Variants in TBC1D4 observed in about 807,000 individuals in gnomAD.
TBC1D4 encodes TBC1 domain family member 4, also known as TBC (Tre-2, BUB2, CDC16) domain-containing protein.
A neutral mutation model predicts 142.5 loss-of-function variants in TBC1D4; 121 were observed. That is an observed-to-expected ratio of 0.85 (90% CI 0.73 to 0.99). The LOEUF (loss-of-function observed/expected upper bound fraction) is 0.99. TBC1D4 is among the 50% of genes least tolerant of loss of function. The probability of loss-of-function intolerance (pLI) is 0.00; values close to 1 mark genes in which losing one functional copy is unlikely to be tolerated. For missense variants in TBC1D4, 1,475 were observed against 1,606.6 expected, an observed-to-expected ratio of 0.92 and a Z score of 1.40; for synonymous variants, 630 against 628.2, an observed-to-expected ratio of 1.00 and a Z score of -0.04.
intron 1 of TBC1D4, among the ~76,000 whole-genome samples, chr13:75,393,289 C>T (rs946086133): frequency 1.3e-5 from 2 of 152,018 alleles, no homozygotes; most frequent in South Asian, 4.2e-4. Context: ...ACATTTCACC[C>T]CCATTCTCCC....
rs1279045306 is a variant in TBC1D4 at position 75,356,176 on chromosome 13, A to T, written c.1246T>A (p.Tyr416Asn). The change falls in exon 4 of 21, where the codon TAT (tyrosine) becomes AAT (asparagine). Residue 416 changes from tyrosine (Y) to asparagine (N), a missense_variant. Around this residue, in one of 2 missense-constraint regions of TBC1D4, gnomAD observed 1,227 missense variants for 1,267.7 expected, o/e 0.97. Coordinates refer to ENST00000377636, the MANE Select transcript of TBC1D4 (RefSeq NM_014832.5). ...GATTCGCTGGCACACTGGAATACAT[A>T]ACAAATATACTGGCTAAGTCCAGGC... ...PEPGLSQYIC[Y>N]VFQCASESLV... The T allele has an allele frequency of 3.1e-6, 5 of 1,613,772 alleles. No homozygotes were observed. Among genetic ancestry groups the T allele is most frequent in the Non-Finnish European group, 4.2e-6 (5 of 1,179,780 alleles).
intron 1 of TBC1D4, among the ~76,000 whole-genome samples, chr13:75,364,125 T>C (rs1882758027): frequency 6.6e-6 from 1 of 152,132 alleles, no homozygotes; most frequent in South Asian, 2.1e-4. Context: ...TTCCAGATCG[T>C]AGGTGGATTC....
chr13:75,458,670 T>G (rs1213951487), intron 1 of TBC1D4, among the ~76,000 whole-genome samples: 1 of 152,224 alleles, frequency 6.6e-6, no homozygotes, highest in Non-Finnish European at 1.5e-5. Context: ...GTAGAAAACC[T>G]TTTAACTATA....
intron 11 of TBC1D4, 143 bp from the exon 12 acceptor site, chr13:75,320,180 C>CT (rs980710894): frequency 9.0e-4 from 712 of 790,194 alleles, no homozygotes; most frequent in Non-Finnish European, 9.7e-4. Context: ...ATAATTATAC[C>CT]TTTTTTTTTC....
Position 75,481,255 on chromosome 13 carries a change from G to A in TBC1D4, c.498+15C>T, listed in dbSNP as rs2138367345. The A allele has an allele frequency of 7.0e-7, 1 of 1,429,822 alleles. No individual in the cohort carries two copies. Among genetic ancestry groups the A allele is most frequent in the South Asian group, 1.1e-5 (1 of 87,760 alleles). 88.6% of individuals were successfully genotyped at this position (1,429,822 alleles called of 1,614,324 possible). A position where few individuals can be genotyped will look rare whatever the true frequency, so the allele number is the denominator to read the frequency against. On this transcript the variant is annotated intron_variant, in intron 1 of 20. Coordinates refer to ENST00000377636, the MANE Select transcript of TBC1D4 (RefSeq NM_014832.5). ...AGGCCGAGCCCGCCCCCGCGCCTCC[G>A]AGCCCCTGTCTTGCCTGGCTGGGGT... is the stretch of plus-strand genomic sequence containing the variant.
intron 1 of TBC1D4, among the ~76,000 whole-genome samples, chr13:75,387,455 C>T (rs1485836799): frequency 6.6e-6 from 1 of 152,188 alleles, no homozygotes; most frequent in African/African-American, 2.4e-5. Flanking sequence ...CTTTACCTTG[C>T]ACTTCAAAAG....
rs184905095 is a variant in TBC1D4, at chr13:75,295,395, T to G, written c.3157-382A>C. Among the ~76,000 whole-genome samples, 133 of 152,274 alleles carry G rather than the reference T, an allele frequency of 8.7e-4. 1 individual carries two copies. Among genetic ancestry groups the G allele is most frequent in the African/African-American group, 3.1e-3 (129 of 41,570 alleles). On this transcript the variant is annotated intron_variant, in intron 17 of 20. Coordinates refer to ENST00000377636, the MANE Select transcript of TBC1D4 (RefSeq NM_014832.5). ...AGACTAATTCCAGAAAAGCCTCCAT[T>G]CTAAAGAATCTACCATGTTCAGTGC... is the stretch of plus-strand genomic sequence containing the variant.
chr13:75,383,313 A>G (rs555976131), intron 1 of TBC1D4, among the ~76,000 whole-genome samples: 1 of 152,298 alleles, frequency 6.6e-6, no homozygotes, highest in Admixed American at 6.5e-5. Flanking sequence ...ACAGAGTGAG[A>G]CCTTGTCTCC....
intron 1 of TBC1D4, among the ~76,000 whole-genome samples, chr13:75,422,395 T>C (rs1380048388): frequency 1.3e-5 from 2 of 152,194 alleles, no homozygotes; most frequent in African/African-American, 2.4e-5. Flanking sequence ...TACAAGTTCA[T>C]TTATCTCCAT....
rs1178136813 is a variant in TBC1D4, at chr13:75,349,216, CTCACACAGT to C, written c.1353_1361del (p.Leu452_Glu454del). The stretch of plus-strand genomic sequence containing the variant: ...TATGCAAAGAGTGCATCGGGCAGGC[CTCACACAGT>C]TTAATCTGCGTCTTGGCACTCTGCA... On this transcript the variant is annotated inframe_deletion, in exon 5 of 21. Transcript: ENST00000377636. 1.2e-5 allele frequency: 20 copies of C among 1,613,912 alleles called. No individual in the cohort carries two copies. The Admixed American group carries it at 3.3e-4, about 27-fold the overall frequency.
chr13:75,464,432 A>C (rs1593914902), intron 1 of TBC1D4, among the ~76,000 whole-genome samples: 2 of 152,218 alleles, frequency 1.3e-5, no homozygotes, highest in Non-Finnish European at 2.9e-5. Context: ...AACTAGCCAG[A>C]GCCCATCCCT....
chr13:75,290,593 C>T (rs1476153204), intron 19 of TBC1D4, among the ~76,000 whole-genome samples: 4 of 152,058 alleles, frequency 2.6e-5, no homozygotes, highest in African/African-American at 7.2e-5. Context: ...ATAAAAGCTA[C>T]ACTTTTCAGC....
intron 1 of TBC1D4, among the ~76,000 whole-genome samples, chr13:75,409,867 A>G (rs1374499987): frequency 1.3e-5 from 2 of 152,176 alleles, no homozygotes. Context: ...TACTAGTGTT[A>G]ATTTATACTT....
At chr13:75,299,695 T>C (rs1045039406) in intron 16 of TBC1D4, 121 bp from the exon 17 acceptor site, 1 of 1,244,548 alleles carries the variant, frequency 8.0e-7, no homozygotes, top group Admixed American at 2.0e-5. Context: ...CCAGTGAGAG[T>C]TGCTTAGAGT....
chr13:75,413,605 T>C (rs1885777658), intron 1 of TBC1D4, among the ~76,000 whole-genome samples: 1 of 152,174 alleles, frequency 6.6e-6, no homozygotes, highest in African/African-American at 2.4e-5. Context: ...AGACATTGGA[T>C]ACCCCTGATA....
intron 4 of TBC1D4, among the ~76,000 whole-genome samples, chr13:75,354,812 T>C (rs1881908072): frequency 6.6e-6 from 1 of 152,210 alleles, no homozygotes; most frequent in South Asian, 2.1e-4. Flanking sequence ...TCTTTCTCTT[T>C]CTTCCCCCGG....
rs922223722 is a variant in TBC1D4, at chr13:75,326,510, G to A, written c.1807-87C>T. ...ACACAGAGCTCAAAAGTGACAGTGTGCCTCATCTTCCTCCTGAGTCATGAC... is the reference window on the plus strand; with the variant it reads ...ACACAGAGCTCAAAAGTGACAGTGTACCTCATCTTCCTCCTGAGTCATGAC... On this transcript the variant is annotated intron_variant, in intron 9 of 20. Coordinates refer to ENST00000377636, the MANE Select transcript of TBC1D4 (RefSeq NM_014832.5). 2.1e-5 allele frequency: 28 copies of A among 1,360,348 alleles called. No homozygotes were observed. In the African/African-American group the frequency reaches 3.4e-4, roughly 17 times the overall value. 84.3% of individuals were successfully genotyped at this position (1,360,348 alleles called of 1,614,324 possible). A position where few individuals can be genotyped will look rare whatever the true frequency, so the allele number is the denominator to read the frequency against.
intron 18 of TBC1D4, among the ~76,000 whole-genome samples, chr13:75,293,020 T>C (rs2137842072): frequency 6.6e-6 from 1 of 152,174 alleles, no homozygotes; most frequent in East Asian, 1.9e-4. Context: ...CTGAGTGTGG[T>C]GGCACATGCC....
intron 1 of TBC1D4, among the ~76,000 whole-genome samples, chr13:75,432,052 T>C (rs1480111354): frequency 2.0e-5 from 3 of 152,206 alleles, no homozygotes. Context: ...AAGTCCATTC[T>C]TTGGTGAAAA....
Sources: allele counts gnomAD v4.1 joint callset (sites outside exome capture counted in the v4.1 genomes callset), GRCh38; gene constraint gnomAD v4.1.1; regional missense constraint gnomAD v4.1.1; transcripts MANE v1.5; gene names NCBI Gene and HGNC (gene_info 2026-07-23, HGNC 2026-07-21).